Variants in SKAP2 observed in about 807,000 individuals in gnomAD.
SKAP2 encodes the protein src kinase-associated phosphoprotein 2.
SKAP2 carries 28 observed loss-of-function variants against 54.9 expected under a neutral mutation model. The observed-to-expected ratio is 0.51, with a 90% CI of 0.38 to 0.70. The LOEUF (loss-of-function observed/expected upper bound fraction) is 0.70. Among genes scored for constraint, SKAP2 ranks in the 30% least tolerant of loss-of-function variants. The probability of loss-of-function intolerance (pLI) is 0.00; values close to 1 mark genes in which losing one functional copy is unlikely to be tolerated. For missense variants in SKAP2, 356 were observed against 424.1 expected, an observed-to-expected ratio of 0.84 and a Z score of 1.41; for synonymous variants, 137 against 134.3, an observed-to-expected ratio of 1.02 and a Z score of -0.14.
intron 11 of SKAP2, among the ~76,000 whole-genome samples, chr7:26,675,024 T>C (rs930910574): frequency 1.3e-5 from 2 of 152,188 alleles, no homozygotes; most frequent in Non-Finnish European, 2.9e-5. Context: ...CATGACTCTA[T>C]TAACTGTTCT....
In SKAP2 at chr7:26,738,881, G is replaced by T; in HGVS notation, c.386-3C>A. 6.4e-7 allele frequency: 1 copy of T among 1,572,116 alleles called. No homozygotes were observed. Among genetic ancestry groups the T allele is most frequent in the Non-Finnish European group, 8.8e-7 (1 of 1,142,300 alleles). On this transcript the variant is annotated splice_polypyrimidine_tract_variant and splice_region_variant and intron_variant, in intron 5 of 12. Coordinates refer to ENST00000345317, the MANE Select transcript of SKAP2 (RefSeq NM_003930.5). The stretch of plus-strand genomic sequence containing the variant: ...TTCAAATCCCAGAAAGCTGTGATCT[G>T]CAATAAAGAGGGGAAAATGTAAGGC...
intron 4 of SKAP2, among the ~76,000 whole-genome samples, chr7:26,821,565 C>T (rs146653820): frequency 9.2e-5 from 14 of 152,230 alleles, no homozygotes; most frequent in South Asian, 4.1e-4. Flanking sequence ...CATGTTTAGG[C>T]GAATAAATCA....
At chr7:26,701,222 C>G (rs1787014805) in intron 9 of SKAP2, among the ~76,000 whole-genome samples, 1 of 152,196 alleles carries the variant, frequency 6.6e-6, no homozygotes, top group Admixed American at 6.5e-5. Context: ...TTCCCTCTTA[C>G]CAATCTTATT....
At chr7:26,748,236 C>G (rs1327321738) in intron 4 of SKAP2, among the ~76,000 whole-genome samples, 1 of 151,966 alleles carries the variant, frequency 6.6e-6, no homozygotes, top group African/African-American at 2.4e-5. Context: ...AACAATAAAC[C>G]ACTAGTTATC....
chr7:26,713,223 G>C (rs908370668), intron 9 of SKAP2, among the ~76,000 whole-genome samples: 2 of 152,286 alleles, frequency 1.3e-5, no homozygotes, highest in Middle Eastern at 3.4e-3. Flanking sequence ...TATCCAAAAG[G>C]CTTCAGTTTA....
At chr7:26,821,562 A>G (rs1388521668) in intron 4 of SKAP2, among the ~76,000 whole-genome samples, 2 of 152,206 alleles carry the variant, frequency 1.3e-5, no homozygotes, top group East Asian at 3.8e-4. Flanking sequence ...AAACATGTTT[A>G]GGCGAATAAA....
intron 4 of SKAP2, among the ~76,000 whole-genome samples, chr7:26,805,518 C>T (rs1442848479): frequency 6.6e-6 from 1 of 152,124 alleles, no homozygotes; most frequent in Non-Finnish European, 1.5e-5. Flanking sequence ...AAATATATAG[C>T]TTCTACTCGG....
intron 4 of SKAP2, among the ~76,000 whole-genome samples, chr7:26,772,036 T>G (rs566347714): frequency 6.6e-6 from 1 of 152,200 alleles, no homozygotes; most frequent in Non-Finnish European, 1.5e-5. Flanking sequence ...AATACAGACA[T>G]GTACTATGGG....
intron 9 of SKAP2, among the ~76,000 whole-genome samples, chr7:26,698,678 A>G (rs1301703548): frequency 6.6e-6 from 1 of 152,232 alleles, no homozygotes. Context: ...GAGCTGAATT[A>G]GCCATTTTTT....
chr7:26,777,998 C>A (rs1284624550), intron 4 of SKAP2, among the ~76,000 whole-genome samples: 1 of 151,466 alleles, frequency 6.6e-6, no homozygotes, highest in Non-Finnish European at 1.5e-5. Context: ...AATGCCAATC[C>A]TATTAATTAT....
At chr7:26,826,199 A>C (rs1784491571) in intron 4 of SKAP2, among the ~76,000 whole-genome samples, 1 of 152,106 alleles carries the variant, frequency 6.6e-6, no homozygotes, top group Non-Finnish European at 1.5e-5. Flanking sequence ...TCCTGCTGCA[A>C]TTCTTGAGAG....
chr7:26,820,871 G>A (rs531646497), intron 4 of SKAP2, among the ~76,000 whole-genome samples: 6 of 152,138 alleles, frequency 3.9e-5, no homozygotes, highest in African/African-American at 1.2e-4. Flanking sequence ...TGGTCATCTT[G>A]TGACATTACA....
At chr7:26,838,724 G>A (rs1318194598) in intron 4 of SKAP2, among the ~76,000 whole-genome samples, 2 of 152,162 alleles carry the variant, frequency 1.3e-5, no homozygotes, top group Admixed American at 6.5e-5. Flanking sequence ...ACATATGGCT[G>A]ATTCAGCCAA....
At chr7:26,786,677 A>G (rs1400734132) in intron 4 of SKAP2, among the ~76,000 whole-genome samples, 1 of 152,208 alleles carries the variant, frequency 6.6e-6, no homozygotes, top group Non-Finnish European at 1.5e-5. Context: ...ATTATAATAA[A>G]CACGTGCCCT....
chr7:26,672,461 T>C (rs1169572270), intron 11 of SKAP2, among the ~76,000 whole-genome samples: 1 of 151,884 alleles, frequency 6.6e-6, no homozygotes, highest in Non-Finnish European at 1.5e-5. Flanking sequence ...AGTTATACTC[T>C]AGGGAGAAAA....
chr7:26,738,795 C>T lies in SKAP2; in HGVS notation c.469G>A (p.Asp157Asn). 1 of 1,566,012 alleles carries T rather than the reference C, an allele frequency of 6.4e-7. No individual in the cohort carries two copies. Residue 157 changes from aspartate to asparagine, a missense_variant and splice_region_variant, in exon 6 of 13, where the codon GAC becomes AAC. Asp to Asn is a conservative substitution (Grantham distance 23). Transcript: ENST00000345317. ...TGATATAATTGAACACCAACATTAC[C>T]TTTATCACTTCCATAATAATAGAAT... The part of the protein sequence containing the change: ...TVFYYYGSDK[D>N]KQQKGEFAID...
chr7:26,749,005 A>T (rs924912332), intron 4 of SKAP2, among the ~76,000 whole-genome samples: 14 of 152,168 alleles, frequency 9.2e-5, no homozygotes, highest in Admixed American at 9.2e-4. Flanking sequence ...ATGTAGTAGG[A>T]TAGCACTTAA....
intron 3 of SKAP2, among the ~76,000 whole-genome samples, chr7:26,844,734 T>C (rs1183285412): frequency 6.6e-6 from 1 of 152,170 alleles, no homozygotes; most frequent in Non-Finnish European, 1.5e-5. Context: ...TAGAAAAAAC[T>C]GCTTTAAAAT....
intron 4 of SKAP2, among the ~76,000 whole-genome samples, chr7:26,778,769 C>G (rs1012808242): frequency 6.6e-6 from 1 of 151,754 alleles, no homozygotes; most frequent in Non-Finnish European, 1.5e-5. Context: ...ACATGTAATA[C>G]AAATTACATA....
Sources: allele counts gnomAD v4.1 joint callset (sites outside exome capture counted in the v4.1 genomes callset), GRCh38; gene constraint gnomAD v4.1.1; transcripts MANE v1.5; gene names NCBI Gene and HGNC (gene_info 2026-07-23, HGNC 2026-07-21).